The following GPHN variants were observed in gnomAD, a reference collection of about 807,000 sequenced individuals.
GPHN encodes gephyrin.
In GPHN, 17 loss-of-function variants were observed where a neutral mutation model predicts 95.5. That is an observed-to-expected ratio of 0.18 (90% CI 0.12 to 0.27). The LOEUF is 0.27. Ranked by LOEUF, GPHN falls within the 10% of genes least tolerant of loss-of-function variation. The pLI, the probability that GPHN is intolerant of heterozygous loss-of-function variation, is 1.00. For missense variants in GPHN, 660 were observed against 978.1 expected, an observed-to-expected ratio of 0.67 and a Z score of 4.34; for synonymous variants, 320 against 322.5, an observed-to-expected ratio of 0.99 and a Z score of 0.08.
the GPHN span, chr14:67,205,143 C>T: frequency 6.8e-7 from 1 of 1,470,272 alleles, no homozygotes; most frequent in South Asian, 1.4e-5. Flanking sequence ...AGAGGGGTTA[C>T]CGAGATCACA....
intron 3 of GPHN, among the ~76,000 whole-genome samples, chr14:66,815,893 A>T (rs888133689): frequency 6.6e-6 from 1 of 152,192 alleles, no homozygotes; most frequent in African/African-American, 2.4e-5. Flanking sequence ...ACCCATTGAT[A>T]TGCTGTCTTC....
At chr14:67,217,563 C>G in the GPHN span, among the ~76,000 whole-genome samples, 1 of 152,008 alleles carries the variant, frequency 6.6e-6, no homozygotes, top group Non-Finnish European at 1.5e-5. Flanking sequence ...TTCTCTTTCT[C>G]CTTTGTGTAT....
intron 1 of GPHN, among the ~76,000 whole-genome samples, chr14:66,524,879 C>A (rs115299995): frequency 6.6e-6 from 1 of 151,764 alleles, no homozygotes; most frequent in African/African-American, 2.4e-5. Context: ...GTGCCAACTT[C>A]TCTTTATCCA....
intron 16 of GPHN, among the ~76,000 whole-genome samples, chr14:67,116,842 T>G (rs2078723354): frequency 6.6e-6 from 1 of 152,254 alleles, no homozygotes; most frequent in African/African-American, 2.4e-5. Flanking sequence ...TTCTCTTCCC[T>G]TCTTATCTTG....
chr14:67,341,043 G>A, the GPHN span, among the ~76,000 whole-genome samples: 1 of 152,146 alleles, frequency 6.6e-6, no homozygotes, highest in African/African-American at 2.4e-5. Flanking sequence ...CCTCCCAGCC[G>A]CCTGCCTTGG....
At chr14:67,651,684 GAC>G in the GPHN span, 7 of 437,068 alleles carry the variant, frequency 1.6e-5, no homozygotes, top group Non-Finnish European at 2.4e-5. Flanking sequence ...GTTAAACTGA[GAC>G]AATAAAAACC....
chr14:67,319,057 C>CAA, the GPHN span, among the ~76,000 whole-genome samples: 59 of 114,062 alleles, frequency 5.2e-4, no homozygotes, highest in South Asian at 6.3e-3. Flanking sequence ...GACTCCGTCT[C>CAA]AAAAAAAAAA....
chr14:67,508,140 A>AAAG, the GPHN span, among the ~76,000 whole-genome samples: 1 of 151,338 alleles, frequency 6.6e-6, no homozygotes, highest in Non-Finnish European at 1.5e-5. Context: ...CATCTCAAAA[A>AAAG]AAAAAAAAAG....
the GPHN span, among the ~76,000 whole-genome samples, chr14:67,217,203 T>C: frequency 6.6e-6 from 1 of 152,206 alleles, no homozygotes; most frequent in Non-Finnish European, 1.5e-5. Context: ...AATTCTGTTT[T>C]ATCTGATATA....
At chr14:66,626,790 G>A (rs1305663112) in intron 1 of GPHN, among the ~76,000 whole-genome samples, 2 of 151,970 alleles carry the variant, frequency 1.3e-5, no homozygotes, top group African/African-American at 4.8e-5. Flanking sequence ...TTCAATTTGA[G>A]GTACTTGTAA....
At chr14:66,746,243 A>G (rs188157487) in intron 2 of GPHN, among the ~76,000 whole-genome samples, 197 of 152,344 alleles carry the variant, frequency 1.3e-3, no homozygotes, top group Non-Finnish European at 2.1e-3. Context: ...TAACATTATA[A>G]AAACCCGCCA....
intron 3 of GPHN, among the ~76,000 whole-genome samples, chr14:66,800,568 G>A (rs1315043339): frequency 6.7e-6 from 1 of 150,220 alleles, no homozygotes; most frequent in African/African-American, 2.5e-5. Flanking sequence ...TATATTGTAT[G>A]TTATTTGTAG....
At chr14:66,791,450 G>T (rs1369122858) in intron 3 of GPHN, among the ~76,000 whole-genome samples, 3 of 152,260 alleles carry the variant, frequency 2.0e-5, no homozygotes, top group African/African-American at 7.2e-5. Flanking sequence ...AGCATGAGCT[G>T]CTGGTTGGCC....
chr14:66,785,129 A>T (rs1328393426), intron 3 of GPHN, among the ~76,000 whole-genome samples: 5 of 151,846 alleles, frequency 3.3e-5, no homozygotes, highest in Admixed American at 3.3e-4. Flanking sequence ...GCCTTTGGGG[A>T]GGTCGAAGCG....
At chr14:67,562,780 C>A in the GPHN span, 1 of 1,613,778 alleles carries the variant, frequency 6.2e-7, no homozygotes, top group Non-Finnish European at 8.5e-7. Flanking sequence ...AGGAGCCACC[C>A]CCAGCAGGGA....
chr14:67,098,149 T>TA (rs201477337), intron 12 of GPHN, among the ~76,000 whole-genome samples: 74 of 146,750 alleles, frequency 5.0e-4, no homozygotes, highest in Non-Finnish European at 6.3e-4. Flanking sequence ...ATAATAATAA[T>TA]AAAAAAAAAG....
At position 67,122,351 on chromosome 14, in the gene GPHN, G is replaced by A. The variant is rs774161949; in HGVS notation, c.1722G>A (p.Thr574=). ...LATIQEHGYP[T]INLGIVGDNP... is the part of the protein sequence containing the mutation. ...CAATTCAGGAACATGGTTACCCCAC[G>A]ATCAACTTGGGTATTGTAGGAGACA... Residue 574 remains threonine, a synonymous_variant, in exon 17 of 23, where the codon ACG becomes ACA. Coordinates refer to ENST00000478722, the MANE Select transcript of GPHN (RefSeq NM_020806.5). The A allele has an allele frequency of 8.7e-6, 14 of 1,612,798 alleles. No individual in the cohort carries two copies. The highest frequency in any genetic ancestry group is 4.5e-5 in the East Asian group (2 of 44,858).
chr14:66,907,090 T>G (rs2065420940), intron 5 of GPHN, among the ~76,000 whole-genome samples: 1 of 152,192 alleles, frequency 6.6e-6, no homozygotes, highest in South Asian at 2.1e-4. Flanking sequence ...TTAACCAATT[T>G]ATGTGAAAAC....
chr14:67,427,460 G>A, the GPHN span, among the ~76,000 whole-genome samples: 1 of 152,156 alleles, frequency 6.6e-6, no homozygotes, highest in Non-Finnish European at 1.5e-5. Context: ...AGTTGAAGCA[G>A]GCCACCTTTG....
Sources: gnomAD v4.1 joint callset for allele counts (sites outside exome capture counted in the v4.1 genomes callset) on GRCh38, gnomAD v4.1.1 for gene constraint, MANE v1.5 for transcripts, NCBI Gene and HGNC (gene_info 2026-07-23, HGNC 2026-07-21) for gene names.